Variants in MEIS1 observed in about 807,000 individuals in gnomAD.
MEIS1 encodes homeobox protein Meis1.
MEIS1 carries 5 observed loss-of-function variants against 50.8 expected under a neutral mutation model. The ratio of observed to expected loss-of-function variants is 0.10; its 90% CI spans 0.05 to 0.21. MEIS1 has a LOEUF of 0.21. Ranked by LOEUF, MEIS1 falls within the 10% of genes least tolerant of loss-of-function variation. The pLI, the probability that MEIS1 is intolerant of heterozygous loss-of-function variation, is 1.00. For missense variants in MEIS1, 318 were observed against 517.3 expected, an observed-to-expected ratio of 0.61 and a Z score of 3.74; for synonymous variants, 176 against 179.3, an observed-to-expected ratio of 0.98 and a Z score of 0.15.
rs181018762 is a variant in MEIS1 at position 66,482,098 on chromosome 2, G to A, written c.742+17878G>A. The stretch of plus-strand genomic sequence containing the variant: ...GATGGTCTCAATCTCTTGACCTTGT[G>A]ATCTGCCTACGTCGGCCTCCCAAAG... On this transcript the variant is annotated intron_variant, in intron 7 of 12. Transcript: ENST00000272369. 6.2e-4 allele frequency among the ~76,000 whole-genome samples: 94 copies of A among 152,194 alleles called. 1 individual carries two copies. Among genetic ancestry groups the A allele is most frequent in the Admixed American group, 3.9e-4 (6 of 15,294 alleles).
intron 8 of MEIS1, among the ~76,000 whole-genome samples, chr2:66,520,169 C>G (rs1674077127): frequency 2.0e-5 from 3 of 151,948 alleles, no homozygotes; most frequent in Admixed American, 2.0e-4. Context: ...AAATTCTTAT[C>G]TATTATTTAA....
In MEIS1 at chr2:66,512,074, A is replaced by C. The variant is rs1225630012; in HGVS notation, c.743-75A>C. ...TAAATTTGCTCTTTTGGTTTTGTTT[A>C]TATCCAAAGGCATTCTATTTGAATA... On this transcript the variant is annotated intron_variant, in intron 7 of 12. Coordinates refer to ENST00000272369, the MANE Select transcript of MEIS1 (RefSeq NM_002398.3). 2.1e-6 allele frequency: 3 copies of C among 1,419,396 alleles called. No individual in the cohort carries two copies. In the East Asian group the frequency reaches 7.7e-5, roughly 37 times the overall value. 87.9% of individuals were successfully genotyped at this position (1,419,396 alleles called of 1,614,324 possible). A position where few individuals can be genotyped will look rare whatever the true frequency, so the allele number is the denominator to read the frequency against.
chr2:66,471,660 G>A (rs972058388), intron 7 of MEIS1, among the ~76,000 whole-genome samples: 5 of 152,142 alleles, frequency 3.3e-5, no homozygotes, highest in Admixed American at 6.5e-5. Flanking sequence ...ATGATGTTGT[G>A]TCAGTTCATC....
At chr2:66,566,974 G>T (rs1186420919) in intron 9 of MEIS1, among the ~76,000 whole-genome samples, 1 of 152,062 alleles carries the variant, frequency 6.6e-6, no homozygotes, top group African/African-American at 2.4e-5. Flanking sequence ...TTAATAGTGG[G>T]CATTAAAATA....
chr2:66,554,744 A>G (rs2103946030), intron 9 of MEIS1, among the ~76,000 whole-genome samples: 1 of 152,352 alleles, frequency 6.6e-6, no homozygotes, highest in South Asian at 2.1e-4. Context: ...TGAAACTCTC[A>G]TTCCAGCTTT....
At chr2:66,511,988 T>C (rs1379149999) in intron 7 of MEIS1, among the ~76,000 whole-genome samples, 161 bp from the exon 8 acceptor site, 2 of 152,126 alleles carry the variant, frequency 1.3e-5, no homozygotes, top group Non-Finnish European at 2.9e-5. Context: ...GCCTTGTTCT[T>C]TCTCTGTCTT....
At chr2:66,519,012 T>C (rs1164607402) in intron 8 of MEIS1, among the ~76,000 whole-genome samples, 4 of 152,166 alleles carry the variant, frequency 2.6e-5, no homozygotes, top group Non-Finnish European at 5.9e-5. Context: ...AAAGTGTGAG[T>C]ATAACTATCT....
At chr2:66,509,145 T>G (rs887303707) in intron 7 of MEIS1, 10 of 433,864 alleles carry the variant, frequency 2.3e-5, no homozygotes, top group Non-Finnish European at 4.3e-5. Context: ...CATTTAGACT[T>G]TCCTCTGAGG....
rs73937929 is a variant in MEIS1 at position 66,490,126 on chromosome 2, A to G, written c.743-22023A>G. 7.5e-3 allele frequency among the ~76,000 whole-genome samples: 1,143 copies of G among 152,354 alleles called. 15 individuals are homozygous for G. The highest frequency in any genetic ancestry group is 0.027 in the African/African-American group (1,104 of 41,580). On this transcript the variant is annotated intron_variant, in intron 7 of 12. Coordinates refer to ENST00000272369, the MANE Select transcript of MEIS1 (RefSeq NM_002398.3). Reference sequence around the variant, plus strand: ...AAATGAAAAAGTCAAAATCCATTACATTTCCATATTTGGCAAATTCAGCGT... The same window carrying G: ...AAATGAAAAAGTCAAAATCCATTACGTTTCCATATTTGGCAAATTCAGCGT...
intron 7 of MEIS1, among the ~76,000 whole-genome samples, chr2:66,481,842 T>A (rs1673021819): frequency 6.7e-6 from 1 of 149,974 alleles, no homozygotes; most frequent in Admixed American, 6.7e-5. Flanking sequence ...TCTTTAGGTC[T>A]GATATTTCTT....
chr2:66,490,126 AT>A (rs1296605908), intron 7 of MEIS1, among the ~76,000 whole-genome samples: 2 of 152,238 alleles, frequency 1.3e-5, no homozygotes, highest in Non-Finnish European at 2.9e-5. Context: ...AATCCATTAC[AT>A]TTCCATATTT....
At chr2:66,571,161 T>G in intron 12 of MEIS1, 85 bp from the exon 13 acceptor site, 1 of 1,387,522 alleles carries the variant, frequency 7.2e-7, no homozygotes, top group Non-Finnish European at 9.7e-7. Context: ...GTTCTCTGGC[T>G]TTTATAGGAT....
chr2:66,503,757 T>G (rs930857100), intron 7 of MEIS1, among the ~76,000 whole-genome samples: 12 of 147,450 alleles, frequency 8.1e-5, no homozygotes, highest in Admixed American at 1.4e-4. Context: ...TTTTTTTTTT[T>G]TTTTTGAGAC....
chr2:66,460,717 A>T (rs959971615), intron 6 of MEIS1, among the ~76,000 whole-genome samples: 2 of 151,154 alleles, frequency 1.3e-5, no homozygotes, highest in Non-Finnish European at 3.0e-5. Context: ...CCAGCAAAAG[A>T]TTTTTTTTTC....
chr2:66,455,147 T>C (rs1672359563), intron 6 of MEIS1, among the ~76,000 whole-genome samples: 1 of 152,184 alleles, frequency 6.6e-6, no homozygotes, highest in Admixed American at 6.5e-5. Flanking sequence ...TTTTAGCATA[T>C]TGAGGCTTTA....
intron 6 of MEIS1, among the ~76,000 whole-genome samples, chr2:66,444,860 G>T (rs150224170): frequency 6.6e-6 from 1 of 152,174 alleles, no homozygotes; most frequent in Non-Finnish European, 1.5e-5. Context: ...TACAAGAATC[G>T]CTTAGGGGCA....
In MEIS1 at chr2:66,568,855, C is replaced by T. The variant is rs142868905; in HGVS notation, c.1114+99C>T. The T allele has an allele frequency of 2.7e-5, 33 of 1,231,794 alleles. No homozygotes were observed. The Middle Eastern group carries it at 5.6e-4, about 21-fold the overall frequency. The allele number at this position is 1,231,794 out of a possible 1,614,324, so 76.3% of individuals were successfully genotyped here. ...TCCGCCTCATCCTTTTCTGTTATCTCAAGCTGGCTGCCTTGCCTTGTCTGC... is the reference window on the plus strand; with the variant it reads ...TCCGCCTCATCCTTTTCTGTTATCTTAAGCTGGCTGCCTTGCCTTGTCTGC... On this transcript the variant is annotated intron_variant, in intron 11 of 12. Transcript: ENST00000272369.
intron 7 of MEIS1, among the ~76,000 whole-genome samples, chr2:66,492,948 C>T (rs1230574178): frequency 2.6e-5 from 4 of 152,140 alleles, no homozygotes; most frequent in Admixed American, 2.6e-4. Context: ...GCACCCATGC[C>T]CACACAGGTA....
chr2:66,546,270 C>T (rs767923957), intron 8 of MEIS1, among the ~76,000 whole-genome samples: 4 of 151,980 alleles, frequency 2.6e-5, no homozygotes, highest in Non-Finnish European at 2.9e-5. Flanking sequence ...ATCTGAGTGA[C>T]GGGAAAAGCT....
Sources: allele counts gnomAD v4.1 joint callset (sites outside exome capture counted in the v4.1 genomes callset), GRCh38; gene constraint gnomAD v4.1.1; transcripts MANE v1.5; gene names NCBI Gene and HGNC (gene_info 2026-07-23, HGNC 2026-07-21).